Variants in DISC1 observed in about 807,000 individuals in gnomAD.
The protein encoded by DISC1 is DISC1 scaffold protein, also known as disrupted in schizophrenia 1 protein.
DISC1 carries 57 observed loss-of-function variants against 84.5 expected under a neutral mutation model. The observed-to-expected ratio is 0.67, with a 90% CI of 0.55 to 0.84. The LOEUF is 0.84. Among genes scored for constraint, DISC1 ranks in the 40% least tolerant of loss-of-function variants. DISC1 has a pLI of 0.00. For synonymous variants in DISC1, 411 were observed against 415.2 expected, an observed-to-expected ratio of 0.99 and a Z score of 0.12; for missense variants, 1,000 against 1,057.8, an observed-to-expected ratio of 0.95 and a Z score of 0.76.
At chr1:231,795,717 C>T (rs1024003296) in intron 7 of DISC1, among the ~76,000 whole-genome samples, 7 of 152,076 alleles carry the variant, frequency 4.6e-5, no homozygotes, top group Non-Finnish European at 8.8e-5. Flanking sequence ...TGTGAAACCC[C>T]GTCTCTCCTG....
chr1:231,823,469 G>T (rs1378751692), intron 9 of DISC1, among the ~76,000 whole-genome samples: 1 of 152,180 alleles, frequency 6.6e-6, no homozygotes, highest in East Asian at 1.9e-4. Context: ...CAGCAAAGAA[G>T]ACAGTTGAAG....
At position 232,036,777 on chromosome 1, in the gene DISC1, A is replaced by G. The variant is rs1425113733; in HGVS notation, c.2511A>G (p.Glu837=). The change falls in exon 13 of 13, where the codon GAA becomes GAG. Residue 837 remains glutamate, a synonymous_variant. Transcript: ENST00000439617. ...TCCAGCCAGCAAAGGAGGCGGGAGAAAGAGAAGCTGCAGCTTCCTGCATGA... is the reference window on the plus strand; with the variant it reads ...TCCAGCCAGCAAAGGAGGCGGGAGAGAGAGAAGCTGCAGCTTCCTGCATGA... ...LQLQPAKEAG[E]REAAASCMTA... is the part of the protein sequence containing the mutation. 1 of 1,605,460 alleles carries G rather than the reference A, an allele frequency of 6.2e-7. No individual in the cohort carries two copies. The highest frequency in any genetic ancestry group is 8.5e-7 in the Non-Finnish European group (1 of 1,174,266).
chr1:231,804,489 G>A (rs2079551319), intron 8 of DISC1, among the ~76,000 whole-genome samples: 1 of 146,538 alleles, frequency 6.8e-6, no homozygotes, highest in Admixed American at 7.8e-5. Context: ...GCAAGGTGTT[G>A]CTCTGTTACC....
intron 3 of DISC1, among the ~76,000 whole-genome samples, chr1:231,732,581 A>C (rs1399741194): frequency 6.6e-6 from 1 of 152,214 alleles, no homozygotes; most frequent in Admixed American, 6.5e-5. Flanking sequence ...GCCACCATTC[A>C]TATTTCGATG....
intron 11 of DISC1, among the ~76,000 whole-genome samples, chr1:232,020,853 A>G (rs1558843485): frequency 2.6e-5 from 4 of 152,242 alleles, no homozygotes; most frequent in Non-Finnish European, 5.9e-5. Flanking sequence ...TAGAGTTGAC[A>G]GTAAAAACCC....
intron 4 of DISC1, among the ~76,000 whole-genome samples, chr1:231,757,801 C>T (rs954291914): frequency 2.0e-5 from 3 of 152,132 alleles, no homozygotes; most frequent in Non-Finnish European, 2.9e-5. Flanking sequence ...CCCTGGTTTA[C>T]GGGGCAGCAA....
At chr1:232,020,182 A>G (rs1404864508) in intron 11 of DISC1, among the ~76,000 whole-genome samples, 4 of 151,974 alleles carry the variant, frequency 2.6e-5, no homozygotes, top group African/African-American at 9.7e-5. Flanking sequence ...CCTCTACTAA[A>G]AATACAAAAA....
chr1:231,772,467 T>C (rs929873977), intron 6 of DISC1, among the ~76,000 whole-genome samples: 1 of 152,098 alleles, frequency 6.6e-6, no homozygotes, highest in Non-Finnish European at 1.5e-5. Flanking sequence ...CCTGTAGTGG[T>C]TGAGAATACG....
intron 5 of DISC1, 24 bp downstream of exon 5, chr1:231,767,293 G>T: frequency 6.2e-7 from 1 of 1,613,976 alleles, no homozygotes; most frequent in African/African-American, 1.3e-5. Context: ...AGATCTTCAA[G>T]AAATATGATG....
rs111914383 is a variant in DISC1 at position 231,857,943 on chromosome 1, A to C, written c.1981+39426A>C. 4.6e-5 allele frequency among the ~76,000 whole-genome samples: 7 copies of C among 152,344 alleles called. 1 individual carries two copies. The highest frequency in any genetic ancestry group is 1.7e-4 in the African/African-American group (7 of 41,586). ...CTTGAAGTCAAATTTCCCTGAAGGC[A>C]CTGGAGCATAGGGAGAAAAACATCA... On this transcript the variant is annotated intron_variant, in intron 9 of 12. Transcript: ENST00000439617.
At chr1:232,022,508 A>G (rs1669051649) in intron 11 of DISC1, among the ~76,000 whole-genome samples, 2 of 151,990 alleles carry the variant, frequency 1.3e-5, no homozygotes, top group Admixed American at 6.5e-5. Flanking sequence ...GGGTTTTACC[A>G]TGTTGGCCAG....
chr1:231,980,391 T>G (rs1025993995), intron 10 of DISC1, among the ~76,000 whole-genome samples: 1 of 152,196 alleles, frequency 6.6e-6, no homozygotes, highest in Non-Finnish European at 1.5e-5. Context: ...CTTTAGATTT[T>G]AGATTTTTCA....
chr1:231,656,562 G>C (rs556501943), intron 1 of DISC1, among the ~76,000 whole-genome samples: 2 of 152,212 alleles, frequency 1.3e-5, no homozygotes, highest in African/African-American at 4.8e-5. Flanking sequence ...TACTTTGGCT[G>C]TCTGTGCTCT....
chr1:231,934,685 ATGATC>A (rs1409419847), intron 9 of DISC1, among the ~76,000 whole-genome samples: 1 of 152,232 alleles, frequency 6.6e-6, no homozygotes. Flanking sequence ...TCTTAGGTGA[ATGATC>A]TGTTTAATAA....
intron 9 of DISC1, among the ~76,000 whole-genome samples, chr1:231,919,574 A>G (rs967227589): frequency 1.3e-5 from 2 of 152,154 alleles, no homozygotes; most frequent in Non-Finnish European, 2.9e-5. Context: ...TTAATCTCCT[A>G]ATTTTATTTT....
chr1:231,911,669 G>A (rs2089220795), intron 9 of DISC1, among the ~76,000 whole-genome samples: 2 of 152,160 alleles, frequency 1.3e-5, no homozygotes, highest in South Asian at 4.1e-4. Flanking sequence ...TGCTCTTCTT[G>A]AGGATTATCT....
intron 12 of DISC1, among the ~76,000 whole-genome samples, chr1:232,036,384 G>A (rs1294880989): frequency 1.3e-5 from 2 of 152,136 alleles, no homozygotes; most frequent in Non-Finnish European, 2.9e-5. Context: ...TTATGGTCAC[G>A]CCAACTGCAT....
intron 10 of DISC1, among the ~76,000 whole-genome samples, chr1:232,004,743 C>T (rs1001966498): frequency 3.3e-5 from 5 of 152,096 alleles, no homozygotes; most frequent in South Asian, 4.1e-4. Flanking sequence ...ACCAAAGTGC[C>T]CCCAACTGAG....
At chr1:231,728,895 A>T (rs1307338290) in intron 3 of DISC1, among the ~76,000 whole-genome samples, 1 of 152,192 alleles carries the variant, frequency 6.6e-6, no homozygotes, top group Non-Finnish European at 1.5e-5. Context: ...CACAACGTGC[A>T]GGTTTGTTAC....
Sources: allele counts gnomAD v4.1 joint callset (sites outside exome capture counted in the v4.1 genomes callset), GRCh38; gene constraint gnomAD v4.1.1; transcripts MANE v1.5; gene names NCBI Gene and HGNC (gene_info 2026-07-23, HGNC 2026-07-21).